The following CCDC30 variants were observed in gnomAD, a reference collection of about 807,000 sequenced individuals.
The protein encoded by CCDC30 is coiled-coil domain containing 30, also known as coiled-coil domain-containing protein 30.
Under a neutral mutation model 100.2 loss-of-function variants are expected in CCDC30, and 70 were observed. The ratio of observed to expected loss-of-function variants is 0.70; its 90% CI spans 0.58 to 0.85. CCDC30 has a LOEUF of 0.85. Among genes scored for constraint, CCDC30 ranks in the 40% least tolerant of loss-of-function variants. The probability of loss-of-function intolerance (pLI) is 0.00; values close to 1 mark genes in which losing one functional copy is unlikely to be tolerated. For missense variants in CCDC30, 652 were observed against 771.2 expected, an observed-to-expected ratio of 0.85 and a Z score of 1.83; for synonymous variants, 233 against 269.5, an observed-to-expected ratio of 0.86 and a Z score of 1.33.
chr1:42,540,676 T>TACACAC (rs60125557), intron 6 of CCDC30, among the ~76,000 whole-genome samples: 6,437 of 150,402 alleles, frequency 0.043, 439 homozygotes, highest in African/African-American at 0.14. Flanking sequence ...CACATACACA[T>TACACAC]ACACACACAC....
intron 6 of CCDC30, among the ~76,000 whole-genome samples, chr1:42,545,795 T>G (rs1410914050): frequency 6.6e-6 from 1 of 151,264 alleles, no homozygotes; most frequent in Non-Finnish European, 1.5e-5. Flanking sequence ...AAAACAAAAA[T>G]TAGCCTGGCA....
chr1:42,563,356 G>A (rs1409689523), intron 6 of CCDC30, among the ~76,000 whole-genome samples: 5 of 151,984 alleles, frequency 3.3e-5, no homozygotes, highest in African/African-American at 1.2e-4. Flanking sequence ...ACACAGGAAC[G>A]GAAAACCAAA....
chr1:42,591,463 A>T (rs1646185136), intron 10 of CCDC30: 2 of 152,424 alleles, frequency 1.3e-5, no homozygotes, highest in African/African-American at 4.8e-5. Context: ...GCAAGCCATA[A>T]GCCTTGGTGG....
chr1:42,506,407 C>T (rs112654645), intron 6 of CCDC30, among the ~76,000 whole-genome samples: 8 of 152,280 alleles, frequency 5.3e-5, no homozygotes, highest in Middle Eastern at 3.4e-3. Context: ...ACAACAATTG[C>T]CTGCAGATGA....
chr1:42,526,821 G>T (rs1474861759), intron 6 of CCDC30, among the ~76,000 whole-genome samples: 3 of 152,046 alleles, frequency 2.0e-5, no homozygotes. Context: ...ACATAAGATA[G>T]TTTGTCTTAT....
intron 6 of CCDC30, among the ~76,000 whole-genome samples, chr1:42,507,261 T>C (rs1362458712): frequency 6.6e-6 from 1 of 152,186 alleles, no homozygotes. Flanking sequence ...GACAATACCA[T>C]CTAATCTTAA....
intron 7 of CCDC30, 65 bp from the exon 12 acceptor site, chr1:42,576,955 G>T: frequency 8.1e-7 from 1 of 1,228,838 alleles, no homozygotes; most frequent in Non-Finnish European, 1.2e-6. Flanking sequence ...TTTGAAAGCT[G>T]CTTATTCTAG....
intron 6 of CCDC30, among the ~76,000 whole-genome samples, chr1:42,551,649 A>G (rs1645253891): frequency 6.6e-6 from 1 of 152,040 alleles, no homozygotes; most frequent in Admixed American, 6.6e-5. Flanking sequence ...AGTAATACAT[A>G]CTATTAGGTA....
upstream of CCDC30, chr1:42,460,368 A>G: frequency 1.0e-6 from 1 of 987,668 alleles, no homozygotes; most frequent in Middle Eastern, 5.2e-4. Context: ...GTATAAAAAA[A>G]TCAAGTGCAA....
chr1:42,612,756 T>C (rs931809110), intron 11 of CCDC30, among the ~76,000 whole-genome samples: 5 of 152,192 alleles, frequency 3.3e-5, no homozygotes, highest in Admixed American at 2.0e-4. Context: ...TTTCCCTCTG[T>C]CGTATGCTTG....
chr1:42,642,724 G>A lies in CCDC30; in HGVS notation c.1556+115G>A, dbSNP rs879077358. Reference sequence around the variant, plus strand: ...GTTTGTAGCCTACCCTATGACTCTCGCTCCGCTGTCTGCTGTTTTTGGCAG... The same window carrying A: ...GTTTGTAGCCTACCCTATGACTCTCACTCCGCTGTCTGCTGTTTTTGGCAG... On this transcript the variant is annotated intron_variant, in intron 13 of 16. Transcript: ENST00000668663. The A allele has an allele frequency of 6.8e-5, 69 of 1,020,530 alleles. No homozygotes were observed. The Middle Eastern group carries it at 7.3e-4, about 11-fold the overall frequency. 63.2% of individuals were successfully genotyped at this position (1,020,530 alleles called of 1,614,324 possible).
chr1:42,627,786 G>T, intron 11 of CCDC30, among the ~76,000 whole-genome samples: 1 of 152,308 alleles, frequency 6.6e-6, no homozygotes, highest in South Asian at 2.1e-4. Flanking sequence ...TCAGGTTTAG[G>T]AACCTCCACC....
intron 1 of CCDC30, among the ~76,000 whole-genome samples, 185 bp from the exon 2 acceptor site, chr1:42,480,276 A>G (rs910754216): frequency 2.0e-5 from 3 of 152,222 alleles, no homozygotes; most frequent in Admixed American, 1.3e-4. Context: ...ATATTTTTAG[A>G]TGCTATTAAT....
intron 15 of CCDC30, among the ~76,000 whole-genome samples, chr1:42,649,905 G>A (rs12083165): frequency 0.016 from 2,408 of 152,136 alleles, 68 homozygotes; most frequent in African/African-American, 0.054. Flanking sequence ...TGAAAGATCC[G>A]TATACTTAAA....
chr1:42,492,124 GT>G, intron 4 of CCDC30: 1 of 274,902 alleles, frequency 3.6e-6, no homozygotes, highest in Non-Finnish European at 7.1e-6. Flanking sequence ...ACTACCGATG[GT>G]TATTTGTTTC....
At chr1:42,502,049 C>G (rs979070868) in intron 6 of CCDC30, among the ~76,000 whole-genome samples, 2 of 152,166 alleles carry the variant, frequency 1.3e-5, no homozygotes, top group Non-Finnish European at 2.9e-5. Context: ...TGCCCTGCCC[C>G]CAGAGGTGGA....
intron 9 of CCDC30, among the ~76,000 whole-genome samples, chr1:42,585,648 A>T (rs1327113563): frequency 2.0e-5 from 3 of 151,792 alleles, no homozygotes; most frequent in African/African-American, 7.3e-5. Context: ...TACTGATTTT[A>T]TATTTTTCTT....
At chr1:42,511,114 A>G (rs1042781006) in intron 6 of CCDC30, among the ~76,000 whole-genome samples, 3 of 152,028 alleles carry the variant, frequency 2.0e-5, no homozygotes, top group Admixed American at 2.0e-4. Context: ...GAAGACAGTG[A>G]GGGCATCCCC....
At chr1:42,502,321 T>C (rs1174518433) in intron 6 of CCDC30, among the ~76,000 whole-genome samples, 1 of 151,856 alleles carries the variant, frequency 6.6e-6, no homozygotes. Context: ...GCTAAGACCA[T>C]TGGAAAAGCA....
Sources: gnomAD v4.1 joint callset for allele counts (sites outside exome capture counted in the v4.1 genomes callset) on GRCh38, gnomAD v4.1.1 for gene constraint, MANE v1.5 for transcripts, NCBI Gene and HGNC (gene_info 2026-07-23, HGNC 2026-07-21) for gene names.